WWOX: variants seen among roughly 807,000 people sequenced by gnomAD.
WWOX encodes WW domain containing oxidoreductase, also known as WW domain-containing oxidoreductase.
In WWOX, 69 loss-of-function variants were observed where a neutral mutation model predicts 46.2. The observed-to-expected ratio is 1.49, with a 90% CI of 1.23 to 1.82. The LOEUF (loss-of-function observed/expected upper bound fraction) is 1.82, where lower values mean the gene tolerates loss of function less well. WWOX is among the 40% of genes most tolerant of loss of function. The pLI, the probability that WWOX is intolerant of heterozygous loss-of-function variation, is 0.00. For missense variants in WWOX, 919 were observed against 542.6 expected, an observed-to-expected ratio of 1.69 and a Z score of -6.89; for synonymous variants, 359 against 202.6, an observed-to-expected ratio of 1.77 and a Z score of -6.56.
At chr16:78,930,932 C>G (rs2045611192) in intron 8 of WWOX, among the ~76,000 whole-genome samples, 2 of 152,148 alleles carry the variant, frequency 1.3e-5, no homozygotes, top group African/African-American at 4.8e-5. Flanking sequence ...CAGGTCCTAT[C>G]ACTAACTAGT....
At position 78,348,492 on chromosome 16, in the gene WWOX, C is replaced by T. The variant is rs1328340449; in HGVS notation, c.517-38368C>T. Among the ~76,000 whole-genome samples, 4 of 121,104 alleles carry T rather than the reference C, an allele frequency of 3.3e-5. 1 individual carries two copies. The highest frequency in any genetic ancestry group is 5.9e-5 in the Non-Finnish European group (3 of 50,684). The allele number at this position is 121,104 out of a possible 152,430, so 79.4% of individuals were successfully genotyped here. On this transcript the variant is annotated intron_variant, in intron 5 of 8. Coordinates refer to ENST00000566780, the MANE Select transcript of WWOX (RefSeq NM_016373.4). ...ATTTTAGTTTTTTGAGACAGGGTCT[C>T]TGTCGCTCAGGCTGGATTGAGTGCA...
chr16:78,696,896 T>C (rs1346818107), intron 8 of WWOX, among the ~76,000 whole-genome samples: 2 of 152,196 alleles, frequency 1.3e-5, no homozygotes, highest in Non-Finnish European at 2.9e-5. Flanking sequence ...CTCCCACTTA[T>C]AAGTGAAAAC....
intron 8 of WWOX, among the ~76,000 whole-genome samples, chr16:78,642,125 T>G (rs2046732865): frequency 6.6e-6 from 1 of 152,206 alleles, no homozygotes; most frequent in African/African-American, 2.4e-5. Context: ...ACAATTTCTC[T>G]CCATCTAACA....
intron 8 of WWOX, among the ~76,000 whole-genome samples, chr16:78,916,258 A>C (rs1467343895): frequency 1.3e-5 from 2 of 152,204 alleles, no homozygotes; most frequent in Non-Finnish European, 2.9e-5. Flanking sequence ...AGTTTTAATC[A>C]GCGCTTTCTA....
At position 79,032,876 on chromosome 16, in the gene WWOX, C is replaced by T. The variant is rs187106554; in HGVS notation, c.1057-178732C>T. Among the ~76,000 whole-genome samples, 11 of 151,400 alleles carry T rather than the reference C, an allele frequency of 7.3e-5. No individual in the cohort carries two copies. In the East Asian group the frequency reaches 1.7e-3, roughly 24 times the overall value. The stretch of plus-strand genomic sequence containing the variant: ...ATGATTTCATCACCCAGGTATTAAG[C>T]CTAGTGCCCATTAGTTATTTTTCCT... On this transcript the variant is annotated intron_variant, in intron 8 of 8. Coordinates refer to ENST00000566780, the MANE Select transcript of WWOX (RefSeq NM_016373.4).
At chr16:78,183,366 T>C (rs1031220304) in intron 5 of WWOX, among the ~76,000 whole-genome samples, 2 of 152,204 alleles carry the variant, frequency 1.3e-5, no homozygotes, top group African/African-American at 2.4e-5. Flanking sequence ...TCATCACTTT[T>C]GGGTGGCATA....
chr16:78,648,151 C>T (rs1379181033), intron 8 of WWOX, among the ~76,000 whole-genome samples: 1 of 152,198 alleles, frequency 6.6e-6, no homozygotes, highest in Non-Finnish European at 1.5e-5. Context: ...GAATACATTA[C>T]CACCTCCCAG....
chr16:78,247,766 A>C (rs958977106), intron 5 of WWOX, among the ~76,000 whole-genome samples: 1 of 152,088 alleles, frequency 6.6e-6, no homozygotes, highest in Non-Finnish European at 1.5e-5. Flanking sequence ...ATGGAGTTCC[A>C]CTTGTTCCCT....
intron 8 of WWOX, chr16:79,206,604 T>C (rs2051520418): frequency 6.6e-6 from 1 of 152,216 alleles, no homozygotes; most frequent in African/African-American, 2.4e-5. Flanking sequence ...ACTCGTTGGC[T>C]ACAACTCACT....
At chr16:79,151,937 G>T (rs377309036) in intron 8 of WWOX, among the ~76,000 whole-genome samples, 1 of 152,120 alleles carries the variant, frequency 6.6e-6, no homozygotes, top group Non-Finnish European at 1.5e-5. Flanking sequence ...GTAAATAGCC[G>T]AGGATATCTG....
At chr16:79,008,580 G>C (rs2047237294) in intron 8 of WWOX, among the ~76,000 whole-genome samples, 1 of 152,194 alleles carries the variant, frequency 6.6e-6, no homozygotes, top group South Asian at 2.1e-4. Context: ...CCATTTCACA[G>C]ATGTTGAAAC....
At chr16:78,421,335 G>T (rs1235338591) in intron 6 of WWOX, among the ~76,000 whole-genome samples, 1 of 151,976 alleles carries the variant, frequency 6.6e-6, no homozygotes, top group Non-Finnish European at 1.5e-5. Context: ...GCCACCCTTG[G>T]AATTTCTTGG....
intron 8 of WWOX, among the ~76,000 whole-genome samples, chr16:79,161,312 C>G (rs890460371): frequency 1.3e-5 from 2 of 152,104 alleles, no homozygotes; most frequent in African/African-American, 4.8e-5. Flanking sequence ...TAAGCCTCAG[C>G]TTATCTCTAG....
intron 4 of WWOX, among the ~76,000 whole-genome samples, chr16:78,146,907 C>G (rs952543039): frequency 6.6e-6 from 1 of 152,174 alleles, no homozygotes; most frequent in Non-Finnish European, 1.5e-5. Flanking sequence ...TTGCCCGTGC[C>G]TTCCACGCGG....
At chr16:78,353,775 C>T (rs367604436) in intron 5 of WWOX, among the ~76,000 whole-genome samples, 3 of 125,396 alleles carry the variant, frequency 2.4e-5, no homozygotes, top group African/African-American at 8.0e-5. Context: ...GCCACATCAC[C>T]TGCAGGCAGG....
chr16:78,609,478 A>G (rs1451629590), intron 8 of WWOX, among the ~76,000 whole-genome samples: 1 of 143,490 alleles, frequency 7.0e-6, no homozygotes, highest in Non-Finnish European at 1.5e-5. Context: ...TTAAAAAAGA[A>G]AAAAAAAAAT....
intron 5 of WWOX, among the ~76,000 whole-genome samples, chr16:78,305,228 T>G (rs2080111383): frequency 1.3e-5 from 2 of 152,150 alleles, no homozygotes; most frequent in Non-Finnish European, 2.9e-5. Context: ...TCCTTCCCCT[T>G]TCTGGGGGAC....
chr16:79,194,745 G>C (rs2051205135), intron 8 of WWOX, among the ~76,000 whole-genome samples: 1 of 152,098 alleles, frequency 6.6e-6, no homozygotes, highest in South Asian at 2.1e-4. Context: ...CAAAATTTTT[G>C]TTGATGTTTC....
chr16:78,742,672 C>T (rs531943786), intron 8 of WWOX, among the ~76,000 whole-genome samples: 5 of 152,280 alleles, frequency 3.3e-5, no homozygotes, highest in Non-Finnish European at 5.9e-5. Flanking sequence ...TTTATGTCTG[C>T]GGAGTCAGAG....
Sources: allele counts gnomAD v4.1 joint callset (sites outside exome capture counted in the v4.1 genomes callset), GRCh38; gene constraint gnomAD v4.1.1; transcripts MANE v1.5; gene names NCBI Gene and HGNC (gene_info 2026-07-23, HGNC 2026-07-21).